The following MEGF11 variants were observed in gnomAD, a reference collection of about 807,000 sequenced individuals.
The protein encoded by MEGF11 is multiple epidermal growth factor-like domains protein 11.
Under a neutral mutation model 146.6 loss-of-function variants are expected in MEGF11, and 126 were observed. That is an observed-to-expected ratio of 0.86 (90% confidence interval 0.74 to 1.00). The LOEUF is 1.00. Among genes scored for constraint, MEGF11 ranks in the 50% least tolerant of loss-of-function variants. MEGF11 has a pLI of 0.00. For missense variants in MEGF11, 1,509 were observed against 1,521.2 expected (o/e 0.99, Z 0.13); for synonymous variants, 532 against 583.4 (o/e 0.91, Z 1.27).
At chr15:66,202,985 C>T (rs2091205635) in intron 1 of MEGF11, among the ~76,000 whole-genome samples, 1 of 152,154 alleles carries the variant, frequency 6.6e-6, no homozygotes, top group Non-Finnish European at 1.5e-5. Context: ...ATTCTCCCAC[C>T]CCCAGCCTAC....
At chr15:66,241,157 G>A (rs1258056358) in intron 1 of MEGF11, among the ~76,000 whole-genome samples, 2 of 152,114 alleles carry the variant, frequency 1.3e-5, no homozygotes, top group African/African-American at 2.4e-5. Flanking sequence ...AATCTCCCCC[G>A]CAGCTGCTCC....
intron 1 of MEGF11, among the ~76,000 whole-genome samples, chr15:66,239,177 T>C (rs2092157865): frequency 6.6e-6 from 1 of 152,204 alleles, no homozygotes; most frequent in African/African-American, 2.4e-5. Context: ...TTAAGACCTC[T>C]ACAGCTGTCA....
intron 1 of MEGF11, among the ~76,000 whole-genome samples, chr15:66,220,258 A>G (rs1319788085): frequency 2.1e-5 from 3 of 143,746 alleles, no homozygotes; most frequent in South Asian, 2.5e-4. Context: ...ACCCCCCGCC[A>G]TGTGGTACTT....
chr15:66,105,367 GT>G (rs1486634240), intron 4 of MEGF11, among the ~76,000 whole-genome samples: 1 of 152,122 alleles, frequency 6.6e-6, no homozygotes, highest in African/African-American at 2.4e-5. Flanking sequence ...CCCTGCCATG[GT>G]CCCCTCCCCA....
At chr15:66,068,617 G>A (rs914847679) in intron 5 of MEGF11, among the ~76,000 whole-genome samples, 3 of 152,206 alleles carry the variant, frequency 2.0e-5, no homozygotes, top group African/African-American at 7.2e-5. Context: ...CCAATTCTAA[G>A]CCAGTGCTCT....
chr15:65,901,604 C>T (rs757617584), intron 24 of MEGF11, among the ~76,000 whole-genome samples: 19 of 151,058 alleles, frequency 1.3e-4, no homozygotes, highest in Non-Finnish European at 2.8e-4. Context: ...TAAAGGCAAA[C>T]TGTATCTGCA....
At chr15:66,012,032 C>A (rs2082725412) in intron 5 of MEGF11, among the ~76,000 whole-genome samples, 1 of 150,904 alleles carries the variant, frequency 6.6e-6, no homozygotes. Context: ...AAGTTTGAAA[C>A]CAGCCTGGGC....
chr15:65,956,857 A>G (rs2141487643), intron 10 of MEGF11, among the ~76,000 whole-genome samples: 1 of 152,378 alleles, frequency 6.6e-6, no homozygotes, highest in South Asian at 2.1e-4. Flanking sequence ...AGCAAAAATT[A>G]AGAAAACCTT....
intron 1 of MEGF11, among the ~76,000 whole-genome samples, chr15:66,128,713 G>A (rs977501846): frequency 6.6e-6 from 1 of 152,086 alleles, no homozygotes; most frequent in African/African-American, 2.4e-5. Context: ...GGCTATAATT[G>A]CAGGGTGTCC....
chr15:65,974,019 C>A (rs921280997), intron 7 of MEGF11, among the ~76,000 whole-genome samples: 6 of 152,190 alleles, frequency 3.9e-5, no homozygotes, highest in African/African-American at 1.4e-4. Context: ...GCCCTTCCAG[C>A]CCTGCGCATA....
At chr15:65,933,533 A>G (rs2079652469) in intron 10 of MEGF11, among the ~76,000 whole-genome samples, 1 of 152,296 alleles carries the variant, frequency 6.6e-6, no homozygotes, top group South Asian at 2.1e-4. Flanking sequence ...TGCTCCCCAC[A>G]ATGCCGTGTC....
intron 21 of MEGF11, among the ~76,000 whole-genome samples, chr15:65,911,173 T>C (rs952792731): frequency 2.6e-5 from 4 of 152,326 alleles, no homozygotes; most frequent in African/African-American, 7.2e-5. Flanking sequence ...ACACCTGCCA[T>C]GAAGACCTAC....
rs1357449330 is a variant in MEGF11, at chr15:66,125,881, C to T, written c.99-1881G>A. Among the ~76,000 whole-genome samples the T allele has an allele frequency of 3.9e-5, 6 of 152,256 alleles. No individual in the cohort carries two copies. The South Asian group carries it at 1.2e-3, about 32-fold the overall frequency. The stretch of plus-strand genomic sequence containing the variant: ...TAGACCTTGGATGCCCAGAGAGAAG[C>T]CCAGCAGAGGGCTGGAGGGGGCAGT... On this transcript the variant is annotated intron_variant, in intron 2 of 25. Coordinates refer to ENST00000395614, the MANE Select transcript of MEGF11 (RefSeq NM_001385028.1).
chr15:65,930,213 C>T (rs1018992742), intron 11 of MEGF11, among the ~76,000 whole-genome samples: 2 of 152,114 alleles, frequency 1.3e-5, no homozygotes, highest in Admixed American at 6.5e-5. Context: ...GTTTGAGGGA[C>T]GTCTGATTCT....
rs1056535915 is a variant in MEGF11 at position 65,991,599 on chromosome 15, T to C, written c.395-9111A>G. On this transcript the variant is annotated intron_variant, in intron 5 of 25. Transcript: ENST00000395614. ...TACACACAATTGTGGCAATCAAAAG[T>C]GCCTCCAGATATTGACAAACATCCC... Among the ~76,000 whole-genome samples, 49 of 152,220 alleles carry C rather than the reference T, an allele frequency of 3.2e-4. 1 individual carries two copies. The highest frequency in any genetic ancestry group is 1.2e-3 in the African/African-American group (49 of 41,460).
At chr15:66,117,081 T>C (rs1404960482) in intron 4 of MEGF11, among the ~76,000 whole-genome samples, 2 of 152,206 alleles carry the variant, frequency 1.3e-5, no homozygotes, top group Non-Finnish European at 2.9e-5. Context: ...CATAGGGCTG[T>C]TGGGAGCAGT....
At chr15:66,170,758 C>T (rs976802033) in intron 1 of MEGF11, among the ~76,000 whole-genome samples, 4 of 152,064 alleles carry the variant, frequency 2.6e-5, no homozygotes, top group Non-Finnish European at 5.9e-5. Flanking sequence ...CTGCTGAAGA[C>T]CCCCACTCCC....
Position 66,171,769 on chromosome 15 carries a change from C to T in MEGF11, c.-8-43358G>A, listed in dbSNP as rs564502333. On this transcript the variant is annotated intron_variant, in intron 1 of 25. Coordinates refer to ENST00000395614, the MANE Select transcript of MEGF11 (RefSeq NM_001385028.1). The stretch of plus-strand genomic sequence containing the variant: ...CTACCATGCGCATTTTCCTCCAGTT[C>T]CCCCCACCCCCAGCGCTCACCCTCT... Among the ~76,000 whole-genome samples the T allele has an allele frequency of 4.6e-5, 7 of 150,654 alleles. No individual in the cohort carries two copies. In the East Asian group the frequency reaches 1.4e-3, roughly 30 times the overall value.
At chr15:66,201,839 C>T (rs893717619) in intron 1 of MEGF11, among the ~76,000 whole-genome samples, 1 of 144,700 alleles carries the variant, frequency 6.9e-6, no homozygotes, top group Admixed American at 7.2e-5. Context: ...CCCAGCTACT[C>T]GGGAGGTTGA....
Sources: gnomAD v4.1 joint callset for allele counts (sites outside exome capture counted in the v4.1 genomes callset) on GRCh38, gnomAD v4.1.1 for gene constraint, MANE v1.5 for transcripts, NCBI Gene and HGNC (gene_info 2026-07-23, HGNC 2026-07-21) for gene names.